The following CADPS2 variants were observed in gnomAD, a reference collection of about 807,000 sequenced individuals.
CADPS2 encodes calcium dependent secretion activator 2.
A neutral mutation model predicts 172.5 loss-of-function variants in CADPS2; 93 were observed. That is an observed-to-expected ratio of 0.54 (90% confidence interval 0.46 to 0.64). The LOEUF is 0.64. Ranked by LOEUF, CADPS2 falls within the 30% of genes least tolerant of loss-of-function variation. CADPS2 has a pLI of 0.00. For missense variants in CADPS2, 1,420 were observed against 1,565.9 expected, an observed-to-expected ratio of 0.91 and a Z score of 1.57; for synonymous variants, 546 against 555.2, an observed-to-expected ratio of 0.98 and a Z score of 0.23.
Position 122,610,796 on chromosome 7 carries a change from T to A in CADPS2, c.1223+4385A>T, listed in dbSNP as rs377517378. ...AATCTCATGGATTAGTAGAGTAGAA[T>A]TAATAAAATAATCTAAGGACCATGA... is the stretch of plus-strand genomic sequence containing the variant. On this transcript the variant is annotated intron_variant, in intron 6 of 29. Transcript: ENST00000449022. 2.6e-5 allele frequency among the ~76,000 whole-genome samples: 4 copies of A among 152,178 alleles called. No individual in the cohort carries two copies. In the East Asian group the frequency reaches 7.7e-4, roughly 29 times the overall value.
Position 122,774,269 on chromosome 7 carries a change from TACACACACACACACACACAC to T in CADPS2, c.340-37221_340-37202del, listed in dbSNP as rs56843003. Among the ~76,000 whole-genome samples, 14 of 143,064 alleles carry T rather than the reference TACACACACACACACACACAC, an allele frequency of 9.8e-5. No individual in the cohort carries two copies. The South Asian group carries it at 2.3e-3, about 23-fold the overall frequency. 93.9% of individuals were successfully genotyped at this position (143,064 alleles called of 152,430 possible). A position where few individuals can be genotyped will look rare whatever the true frequency, so the allele number is the denominator to read the frequency against. ...ATATATATATAGACATAGATAGATA[TACACACACACACACACACAC>T]ACACACACACACACACACACACTCT... On this transcript the variant is annotated intron_variant, in intron 1 of 29. Coordinates refer to ENST00000449022, the MANE Select transcript of CADPS2 (RefSeq NM_017954.11).
intron 8 of CADPS2, among the ~76,000 whole-genome samples, chr7:122,521,030 A>T (rs948510226): frequency 1.3e-5 from 2 of 152,160 alleles, no homozygotes; most frequent in Non-Finnish European, 2.9e-5. Context: ...GTTGAATGAT[A>T]AAGCCTTTTC....
intron 8 of CADPS2, among the ~76,000 whole-genome samples, chr7:122,538,346 G>A (rs1437950639): frequency 1.4e-5 from 2 of 144,352 alleles, no homozygotes; most frequent in Non-Finnish European, 3.0e-5. Context: ...ACAAGGAGAA[G>A]CTTAATTAGG....
At chr7:122,878,419 G>A (rs1489772009) in intron 1 of CADPS2, among the ~76,000 whole-genome samples, 3 of 151,880 alleles carry the variant, frequency 2.0e-5, no homozygotes, top group Admixed American at 6.6e-5. Flanking sequence ...TTGGGAGGCC[G>A]AGGTGGGCGG....
intron 17 of CADPS2, among the ~76,000 whole-genome samples, chr7:122,417,195 T>C (rs557739034): frequency 1.3e-5 from 2 of 152,310 alleles, no homozygotes; most frequent in African/African-American, 4.8e-5. Flanking sequence ...TTCCAAAGGA[T>C]GTACAATGAT....
At chr7:122,476,236 A>G (rs1395766459) in intron 12 of CADPS2, among the ~76,000 whole-genome samples, 1 of 152,104 alleles carries the variant, frequency 6.6e-6, no homozygotes, top group African/African-American at 2.4e-5. Context: ...GCTAAATTTT[A>G]TACCTTATTT....
chr7:122,833,110 C>T (rs929326882), intron 1 of CADPS2, among the ~76,000 whole-genome samples: 1 of 152,174 alleles, frequency 6.6e-6, no homozygotes, highest in African/African-American at 2.4e-5. Context: ...TCCTTCCAGC[C>T]TTTGTTCTGT....
rs768530006 is a variant in CADPS2, at chr7:122,318,709, T to G, written c.*1456A>C. ...ATTTCCTTGTTTGTTATCTTAGCCC[T>G]AGGGCCCAGAAAATGAGCCAAAACA... On this transcript the variant is annotated 3_prime_UTR_variant, in exon 30 of 30. Transcript: ENST00000449022. 1.3e-5 allele frequency: 2 copies of G among 152,172 alleles called. No individual in the cohort carries two copies. The highest frequency in any genetic ancestry group is 2.9e-5 in the Non-Finnish European group (2 of 68,018). The allele number at this position is 152,172 out of a possible 1,614,324, so 9.4% of individuals were successfully genotyped here. A position where few individuals can be genotyped will look rare whatever the true frequency, so the allele number is the denominator to read the frequency against.
In CADPS2 at chr7:122,319,200, T is replaced by C. The variant is rs1032996721; in HGVS notation, c.*965A>G. On this transcript the variant is annotated 3_prime_UTR_variant, in exon 30 of 30. Transcript: ENST00000449022. ...GCTGTCATAGTAATTCTTTTAACAA[T>C]GTATGTGCCTATTAGGTACAAAGAA... 1 of 152,194 alleles carries C rather than the reference T, an allele frequency of 6.6e-6. No individual in the cohort carries two copies. Among genetic ancestry groups the C allele is most frequent in the Admixed American group, 6.5e-5 (1 of 15,272 alleles). 9.4% of individuals were successfully genotyped at this position (152,194 alleles called of 1,614,324 possible).
chr7:122,595,029 T>C (rs531142045), intron 6 of CADPS2, among the ~76,000 whole-genome samples: 53 of 152,040 alleles, frequency 3.5e-4, no homozygotes, highest in African/African-American at 1.3e-3. Flanking sequence ...CAATAATCAG[T>C]CATCTACAGA....
intron 28 of CADPS2, among the ~76,000 whole-genome samples, chr7:122,338,269 C>T (rs1238343485): frequency 6.6e-6 from 1 of 152,114 alleles, no homozygotes; most frequent in Non-Finnish European, 1.5e-5. Flanking sequence ...TGGTGGCACG[C>T]ACCTGTAGTC....
chr7:122,389,148 C>A (rs1657253619), intron 22 of CADPS2, among the ~76,000 whole-genome samples: 1 of 152,008 alleles, frequency 6.6e-6, no homozygotes, highest in South Asian at 2.1e-4. Flanking sequence ...GTTATTCATG[C>A]ATATGTGCCT....
intron 2 of CADPS2, among the ~76,000 whole-genome samples, chr7:122,725,370 CGT>C (rs139136753): frequency 2.0e-5 from 3 of 151,136 alleles, no homozygotes; most frequent in Admixed American, 1.3e-4. Context: ...TATGCATATG[CGT>C]GTGTGTGTGT....
chr7:122,609,271 C>A (rs1249951713), intron 6 of CADPS2, among the ~76,000 whole-genome samples: 1 of 152,120 alleles, frequency 6.6e-6, no homozygotes, highest in Non-Finnish European at 1.5e-5. Flanking sequence ...ATTCTCCCTT[C>A]ACCACCCCAC....
At chr7:122,712,527 C>T (rs1380497642) in intron 2 of CADPS2, among the ~76,000 whole-genome samples, 1 of 152,106 alleles carries the variant, frequency 6.6e-6, no homozygotes, top group African/African-American at 2.4e-5. Context: ...GTCCTAATGA[C>T]TCTTTTGTGT....
At chr7:122,681,206 C>T in intron 2 of CADPS2, 1 of 643,078 alleles carries the variant, frequency 1.6e-6, no homozygotes. Flanking sequence ...TGCAGTGCAC[C>T]AGCATGGCAC....
intron 27 of CADPS2, among the ~76,000 whole-genome samples, chr7:122,348,525 TA>T (rs1392619550): frequency 6.6e-6 from 1 of 152,182 alleles, no homozygotes; most frequent in African/African-American, 2.4e-5. Context: ...TTCCTTTTTT[TA>T]AAAAAATTGC....
At chr7:122,697,126 C>G (rs1401018891) in intron 2 of CADPS2, among the ~76,000 whole-genome samples, 1 of 152,048 alleles carries the variant, frequency 6.6e-6, no homozygotes, top group African/African-American at 2.4e-5. Flanking sequence ...GTAAGTAACA[C>G]TGGACACTAA....
chr7:122,404,462 T>C (rs553415043), intron 20 of CADPS2, among the ~76,000 whole-genome samples: 1 of 152,286 alleles, frequency 6.6e-6, no homozygotes, highest in East Asian at 1.9e-4. Flanking sequence ...TACGTGTGCA[T>C]GTGTCTTTAT....
Sources: allele counts gnomAD v4.1 joint callset (sites outside exome capture counted in the v4.1 genomes callset), GRCh38; gene constraint gnomAD v4.1.1; transcripts MANE v1.5; gene names NCBI Gene and HGNC (gene_info 2026-07-23, HGNC 2026-07-21).